INPP4B: variants seen among roughly 807,000 people sequenced by gnomAD.
INPP4B encodes inositol polyphosphate 4-phosphatase type II.
INPP4B carries 55 observed loss-of-function variants against 122.5 expected under a neutral mutation model. That is an observed-to-expected ratio of 0.45 (90% confidence interval 0.36 to 0.56). The LOEUF (loss-of-function observed/expected upper bound fraction) is 0.56, where lower values mean the gene tolerates loss of function less well. INPP4B is among the 20% of genes least tolerant of loss of function. INPP4B has a pLI of 0.00. For synonymous variants in INPP4B, 403 were observed against 388.7 expected, an observed-to-expected ratio of 1.04 and a Z score of -0.43; for missense variants, 1,000 against 1,097.7, an observed-to-expected ratio of 0.91 and a Z score of 1.26.
At chr4:142,627,221 T>C (rs2150402392) in intron 2 of INPP4B, among the ~76,000 whole-genome samples, 1 of 152,130 alleles carries the variant, frequency 6.6e-6, no homozygotes, top group East Asian at 1.9e-4. Flanking sequence ...GACTTCCTCT[T>C]TTCCTAATTG....
intron 3 of INPP4B, among the ~76,000 whole-genome samples, chr4:142,448,162 T>G (rs1813315879): frequency 6.6e-6 from 1 of 151,832 alleles, no homozygotes; most frequent in Admixed American, 6.6e-5. Context: ...TATTCTTGGG[T>G]GCTGAATGGA....
rs58469157 is a variant in INPP4B, at chr4:142,270,933, TTGTGTGTGTG to T, written c.504-169_504-160del. Among the ~76,000 whole-genome samples, 133 of 148,644 alleles carry T rather than the reference TTGTGTGTGTG, an allele frequency of 8.9e-4. 1 individual carries two copies. Among genetic ancestry groups the T allele is most frequent in the Middle Eastern group, 6.9e-3 (2 of 288 alleles). On this transcript the variant is annotated intron_variant, in intron 9 of 25. Coordinates refer to ENST00000262992, the MANE Select transcript of INPP4B (RefSeq NM_001101669.3). ...CAAAACATGTTAATAGGGTAGGTGT[TTGTGTGTGTG>T]TGTGTGTGTGTGTGTGTTTTCTTTT... is the stretch of plus-strand genomic sequence containing the variant.
intron 2 of INPP4B, among the ~76,000 whole-genome samples, chr4:142,613,071 G>C (rs576173712): frequency 1.7e-4 from 26 of 152,074 alleles, no homozygotes; most frequent in African/African-American, 2.4e-5. Flanking sequence ...GTAATGGCTA[G>C]AGATCCGGCT....
intron 7 of INPP4B, among the ~76,000 whole-genome samples, chr4:142,318,243 G>A (rs907321826): frequency 3.3e-5 from 5 of 152,062 alleles, no homozygotes; most frequent in Admixed American, 3.3e-4. Flanking sequence ...AAAATGAAGA[G>A]GAAAGAGGGG....
At chr4:142,546,896 A>G (rs1336618231) in intron 2 of INPP4B, among the ~76,000 whole-genome samples, 1 of 152,182 alleles carries the variant, frequency 6.6e-6, no homozygotes, top group African/African-American at 2.4e-5. Flanking sequence ...ACAGATAAAC[A>G]TAAAGAATAT....
chr4:142,339,504 C>A (rs1180388897), intron 7 of INPP4B, among the ~76,000 whole-genome samples: 1 of 152,114 alleles, frequency 6.6e-6, no homozygotes, highest in Non-Finnish European at 1.5e-5. Flanking sequence ...AATTATTCTT[C>A]CCTTTAAAAG....
intron 9 of INPP4B, among the ~76,000 whole-genome samples, chr4:142,272,261 C>A (rs1215731298): frequency 6.6e-6 from 1 of 151,426 alleles, no homozygotes; most frequent in Admixed American, 6.6e-5. Flanking sequence ...TTAAAATAAC[C>A]AATAAATTAG....
At chr4:142,437,068 A>G (rs2149412845) in intron 3 of INPP4B, among the ~76,000 whole-genome samples, 1 of 152,210 alleles carries the variant, frequency 6.6e-6, no homozygotes, top group Middle Eastern at 3.4e-3. Context: ...AGAGGAACAT[A>G]AATGACCTGG....
At chr4:142,077,223 G>A (rs1771285065) in intron 25 of INPP4B, among the ~76,000 whole-genome samples, 2 of 151,820 alleles carry the variant, frequency 1.3e-5, no homozygotes, top group South Asian at 2.1e-4. Flanking sequence ...TGATACATAG[G>A]TATATGCTGA....
chr4:142,049,156 AAATGTAATGGAAG>A (rs1409371028), intron 25 of INPP4B, among the ~76,000 whole-genome samples: 14 of 152,014 alleles, frequency 9.2e-5, no homozygotes, highest in South Asian at 4.1e-4. Flanking sequence ...TAATTAAAAA[AAATGTAATGGAAG>A]AATGTAATGG....
chr4:142,297,061 C>T (rs1250817229), intron 9 of INPP4B, among the ~76,000 whole-genome samples: 3 of 152,128 alleles, frequency 2.0e-5, no homozygotes, highest in East Asian at 1.9e-4. Context: ...AATCAGCAAC[C>T]TCTAAAAGCA....
chr4:142,837,637 A>G (rs560475498), intron 1 of INPP4B, among the ~76,000 whole-genome samples: 8 of 152,168 alleles, frequency 5.3e-5, no homozygotes, highest in Non-Finnish European at 1.2e-4. Flanking sequence ...TGTTACAATC[A>G]CATTCACCTT....
intron 7 of INPP4B, among the ~76,000 whole-genome samples, chr4:142,366,314 A>G (rs1408175099): frequency 6.7e-6 from 1 of 148,290 alleles, no homozygotes; most frequent in Non-Finnish European, 1.5e-5. Flanking sequence ...CCCAGGTGAA[A>G]TAAACAGCCT....
intron 7 of INPP4B, among the ~76,000 whole-genome samples, chr4:142,328,359 C>T (rs1773234021): frequency 6.6e-6 from 1 of 152,144 alleles, no homozygotes; most frequent in South Asian, 2.1e-4. Flanking sequence ...GATCGATTTC[C>T]TACATTTCAA....
intron 25 of INPP4B, among the ~76,000 whole-genome samples, chr4:142,076,706 C>T (rs969317342): frequency 5.3e-5 from 8 of 151,946 alleles, no homozygotes; most frequent in African/African-American, 1.7e-4. Flanking sequence ...CAAACCTGCA[C>T]GTTGTGCACA....
intron 2 of INPP4B, among the ~76,000 whole-genome samples, chr4:142,569,102 T>C (rs1022233631): frequency 9.2e-5 from 14 of 152,156 alleles, no homozygotes; most frequent in African/African-American, 3.4e-4. Context: ...TAATATTTGC[T>C]ACATTGCACA....
At chr4:142,577,665 A>T (rs936275231) in intron 2 of INPP4B, among the ~76,000 whole-genome samples, 4 of 152,004 alleles carry the variant, frequency 2.6e-5, no homozygotes, top group African/African-American at 9.7e-5. Flanking sequence ...AGCTTTTCTC[A>T]TATGTAAAAG....
chr4:142,421,797 G>A (rs1360923170), intron 5 of INPP4B, among the ~76,000 whole-genome samples: 6 of 152,008 alleles, frequency 3.9e-5, no homozygotes, highest in African/African-American at 1.4e-4. Flanking sequence ...TGTTTTTGAT[G>A]CCATTGTTAC....
chr4:142,327,762 C>A (rs549152882), intron 7 of INPP4B, among the ~76,000 whole-genome samples: 1 of 152,310 alleles, frequency 6.6e-6, no homozygotes, highest in East Asian at 1.9e-4. Context: ...ATTCTCAAAA[C>A]AACCCTGTGA....
Sources: gnomAD v4.1 joint callset for allele counts (sites outside exome capture counted in the v4.1 genomes callset) on GRCh38, gnomAD v4.1.1 for gene constraint, MANE v1.5 for transcripts, NCBI Gene and HGNC (gene_info 2026-07-23, HGNC 2026-07-21) for gene names.